EMID1: variants seen among roughly 807,000 people sequenced by gnomAD.
EMID1 encodes the protein EMI domain-containing protein 1.
Under a neutral mutation model 60.6 loss-of-function variants are expected in EMID1, and 40 were observed. The observed-to-expected ratio is 0.66, with a 90% CI of 0.51 to 0.86. The LOEUF is 0.86. Ranked by LOEUF, EMID1 falls within the 40% of genes least tolerant of loss-of-function variation. The pLI is 0.00. For missense variants in EMID1, 585 were observed against 597.1 expected (o/e 0.98, Z 0.21); for synonymous variants, 242 against 231.0 (o/e 1.05, Z -0.43).
intron 3 of EMID1, among the ~76,000 whole-genome samples, chr22:29,221,495 C>T (rs2040298567): frequency 6.6e-6 from 1 of 152,198 alleles, no homozygotes; most frequent in Non-Finnish European, 1.5e-5. Flanking sequence ...CTGCCTCAGC[C>T]TCCCGCGTAG....
At chr22:29,254,096 G>T (rs1193496833) in intron 13 of EMID1, 107 bp from the exon 14 acceptor site, 2 of 1,582,634 alleles carry the variant, frequency 1.3e-6, no homozygotes, top group Non-Finnish European at 1.7e-6. Flanking sequence ...GGCAGGTAGT[G>T]TGGGGCTGCA....
Position 29,254,537 on chromosome 22 carries a change from G to C in EMID1, c.1204+250G>C, listed in dbSNP as rs995699943. ...TCAGACCTGGGCCTCTAAGCATTAT[G>C]GGTAGTGTGGTTTCTAGGCCTGCAG... On this transcript the variant is annotated intron_variant, in intron 14 of 14. Transcript: ENST00000334018. 5 of 463,446 alleles carry C rather than the reference G, an allele frequency of 1.1e-5. No homozygotes were observed. In the East Asian group the frequency reaches 1.2e-4, roughly 11 times the overall value. The allele number at this position is 463,446 out of a possible 1,614,324, so 28.7% of individuals were successfully genotyped here.
chr22:29,206,215 C>G, intron 1 of EMID1, 76 bp downstream of exon 1: 1 of 1,123,732 alleles, frequency 8.9e-7, no homozygotes, highest in Non-Finnish European at 1.1e-6. Flanking sequence ...CCAGGAAGGG[C>G]TGGGATTGGA....
At chr22:29,255,027 A>G (rs2041652277) in intron 14 of EMID1, among the ~76,000 whole-genome samples, 1 of 85,658 alleles carries the variant, frequency 1.2e-5, no homozygotes, top group Non-Finnish European at 2.8e-5. Flanking sequence ...TAAGAGAGCC[A>G]GGCCCTCACT....
chr22:29,229,427 T>C (rs1568985075), intron 5 of EMID1, among the ~76,000 whole-genome samples: 2 of 152,060 alleles, frequency 1.3e-5, no homozygotes, highest in African/African-American at 4.8e-5. Flanking sequence ...GCGGATCACA[T>C]GAGGTCAGGA....
At chr22:29,233,331 C>A in intron 8 of EMID1, 48 bp from the exon 9 acceptor site, 1 of 1,603,680 alleles carries the variant, frequency 6.2e-7, no homozygotes, top group Non-Finnish European at 8.5e-7. Flanking sequence ...GAAGACTAAC[C>A]ACCCCACTCT....
chr22:29,242,340 C>T (rs552922644), intron 12 of EMID1, among the ~76,000 whole-genome samples: 3 of 152,126 alleles, frequency 2.0e-5, no homozygotes, highest in Non-Finnish European at 4.4e-5. Context: ...CTGGTATTAT[C>T]GTTTTCACTT....
At chr22:29,232,465 C>T (rs749765391) in intron 8 of EMID1, 63 bp downstream of exon 8, 13 of 1,457,076 alleles carry the variant, frequency 8.9e-6, no homozygotes, top group Admixed American at 2.7e-5. Context: ...GCACAGTGCC[C>T]GCTACCATCT....
chr22:29,235,108 G>A (rs2040893598), intron 12 of EMID1, among the ~76,000 whole-genome samples: 1 of 152,124 alleles, frequency 6.6e-6, no homozygotes, highest in Non-Finnish European at 1.5e-5. Context: ...AGCACTTTGG[G>A]GGGCTGAGAC....
intron 1 of EMID1, among the ~76,000 whole-genome samples, chr22:29,212,917 C>T (rs529284499): frequency 2.6e-5 from 4 of 152,270 alleles, no homozygotes; most frequent in East Asian, 1.9e-4. Context: ...AACACGTGGA[C>T]GGCTCTGGGC....
rs575447064 is a variant in EMID1 at position 29,219,676 on chromosome 22, G to C, written c.319+4046G>C. Among the ~76,000 whole-genome samples the C allele has an allele frequency of 2.6e-5, 4 of 152,290 alleles. No homozygotes were observed. The South Asian group carries it at 8.3e-4, about 32-fold the overall frequency. ...GCACACCTATAGTCCTGGTTACTCA[G>C]GAGGCTGAGGCAGGAGGGTTGCTTG... On this transcript the variant is annotated intron_variant, in intron 3 of 14. Transcript: ENST00000334018.
Position 29,206,212 on chromosome 22 carries a change from G to T in EMID1, c.101+73G>T. 6 of 1,134,686 alleles carry T rather than the reference G, an allele frequency of 5.3e-6. No homozygotes were observed. The South Asian group carries it at 1.8e-4, about 34-fold the overall frequency. The allele number at this position is 1,134,686 out of a possible 1,614,324, so 70.3% of individuals were successfully genotyped here. A position where few individuals can be genotyped will look rare whatever the true frequency, so the allele number is the denominator to read the frequency against. On this transcript the variant is annotated intron_variant, in intron 1 of 14. Transcript: ENST00000334018. ...GCGCACACGCCCCCACCTCCAGGAA[G>T]GGCTGGGATTGGAGGGCGATCCAGT...
At chr22:29,213,737 G>A (rs2039878385) in intron 1 of EMID1, among the ~76,000 whole-genome samples, 1 of 152,134 alleles carries the variant, frequency 6.6e-6, no homozygotes, top group Non-Finnish European at 1.5e-5. Context: ...CTCAGCCTGG[G>A]TCCCCCACCC....
rs555052296 is a variant in EMID1 at position 29,216,139 on chromosome 22, G to A, written c.319+509G>A. Among the ~76,000 whole-genome samples, 12 of 152,242 alleles carry A rather than the reference G, an allele frequency of 7.9e-5. No individual in the cohort carries two copies. In the South Asian group the frequency reaches 1.9e-3, roughly 24 times the overall value. On this transcript the variant is annotated intron_variant, in intron 3 of 14. Transcript: ENST00000334018. ...CTGGGCTCCAGGGATGGGAGGGCTC[G>A]GCTGGGCCCTTGTGTGCAGAGCATG... is the stretch of plus-strand genomic sequence containing the variant.
chr22:29,215,280 C>T (rs1287094003), intron 2 of EMID1: 75 of 985,164 alleles, frequency 7.6e-5, no homozygotes, highest in South Asian at 4.7e-4. Context: ...TGAGTATTCA[C>T]GCTGGGCTCA....
chr22:29,251,382 ATTT>A (rs59254675), intron 13 of EMID1, among the ~76,000 whole-genome samples: 20 of 143,406 alleles, frequency 1.4e-4, no homozygotes, highest in Admixed American at 2.1e-4. Flanking sequence ...GCATCTGGCC[ATTT>A]TTTTTTTTTT....
chr22:29,246,630 C>A (rs1053411929), intron 13 of EMID1, among the ~76,000 whole-genome samples: 4 of 152,096 alleles, frequency 2.6e-5, no homozygotes, highest in African/African-American at 4.8e-5. Flanking sequence ...TGTGGACCAA[C>A]GGGAGGAGTC....
At chr22:29,254,003 G>C in intron 13 of EMID1, 200 bp from the exon 14 acceptor site, 1 of 985,440 alleles carries the variant, frequency 1.0e-6, no homozygotes, top group Non-Finnish European at 1.2e-6. Context: ...GGTCCTGCAG[G>C]GGTTGCTTCC....
intron 3 of EMID1, among the ~76,000 whole-genome samples, chr22:29,222,893 C>T (rs923448473): frequency 6.6e-6 from 1 of 152,038 alleles, no homozygotes; most frequent in African/African-American, 2.4e-5. Context: ...AGATGGAGAC[C>T]ATCCTGGCTA....
Sources: gnomAD v4.1 joint callset for allele counts (sites outside exome capture counted in the v4.1 genomes callset) on GRCh38, gnomAD v4.1.1 for gene constraint, MANE v1.5 for transcripts, NCBI Gene and HGNC (gene_info 2026-07-23, HGNC 2026-07-21) for gene names.